SLC35F1: variants seen among roughly 807,000 people sequenced by gnomAD.
SLC35F1 encodes the protein chromosome 6 open reading frame 169.
SLC35F1 carries 14 observed loss-of-function variants against 48.7 expected under a neutral mutation model. The ratio of observed to expected loss-of-function variants is 0.29; its 90% CI spans 0.19 to 0.45. The LOEUF (loss-of-function observed/expected upper bound fraction) is 0.45. SLC35F1 is among the 20% of genes least tolerant of loss of function. SLC35F1 has a pLI of 1.00. For missense variants in SLC35F1, 404 were observed against 500.0 expected (o/e 0.81, Z 1.83); for synonymous variants, 190 against 202.2 (o/e 0.94, Z 0.51).
rs559186688 is a variant in SLC35F1 at position 117,919,296 on chromosome 6, A to G, written c.173+11397A>G. Among the ~76,000 whole-genome samples, 7 of 152,318 alleles carry G rather than the reference A, an allele frequency of 4.6e-5. No individual in the cohort carries two copies. In the East Asian group the frequency reaches 1.3e-3, roughly 29 times the overall value. On this transcript the variant is annotated intron_variant, in intron 1 of 7. Coordinates refer to ENST00000360388, the MANE Select transcript of SLC35F1 (RefSeq NM_001029858.4). ...GTCGTATGTTTTGTTTCAGGAAAACAGCTTAACTTTTGGGGGTTTCAATTC... is the reference window on the plus strand; with the variant it reads ...GTCGTATGTTTTGTTTCAGGAAAACGGCTTAACTTTTGGGGGTTTCAATTC...
At chr6:117,960,578 A>G (rs190937812) in intron 1 of SLC35F1, among the ~76,000 whole-genome samples, 1 of 152,236 alleles carries the variant, frequency 6.6e-6, no homozygotes, top group African/African-American at 2.4e-5. Context: ...GGGTAGATTT[A>G]TCCTGATATT....
chr6:118,097,132 C>T (rs1385987404), intron 1 of SLC35F1, among the ~76,000 whole-genome samples: 1 of 152,158 alleles, frequency 6.6e-6, no homozygotes, highest in Non-Finnish European at 1.5e-5. Context: ...TCAGAATTCA[C>T]ACAACTGCTT....
Position 117,991,678 on chromosome 6 carries a change from G to A in SLC35F1, c.173+83779G>A, listed in dbSNP as rs565569162. Among the ~76,000 whole-genome samples, 5 of 152,112 alleles carry A rather than the reference G, an allele frequency of 3.3e-5. No individual in the cohort carries two copies. The East Asian group carries it at 5.8e-4, about 18-fold the overall frequency. ...CCATTTCTGATTTTTATTTTTGTTC[G>A]TCACTTGGATCTGTTTTGTATGCCT... On this transcript the variant is annotated intron_variant, in intron 1 of 7. Transcript: ENST00000360388.
At chr6:118,093,126 G>A (rs952825735) in intron 1 of SLC35F1, among the ~76,000 whole-genome samples, 1 of 152,110 alleles carries the variant, frequency 6.6e-6, no homozygotes, top group African/African-American at 2.4e-5. Flanking sequence ...AACCAGCCTG[G>A]CCAATGTGGT....
chr6:118,009,564 G>C (rs186009733), intron 1 of SLC35F1, among the ~76,000 whole-genome samples: 14 of 152,300 alleles, frequency 9.2e-5, no homozygotes, highest in Admixed American at 2.6e-4. Context: ...ATTAATGCAA[G>C]TGGACAGTTT....
intron 1 of SLC35F1, among the ~76,000 whole-genome samples, chr6:117,994,862 A>T (rs1050582578): frequency 1.3e-5 from 2 of 152,240 alleles, no homozygotes; most frequent in Non-Finnish European, 2.9e-5. Flanking sequence ...CAAAATTTAC[A>T]TGCCTATTTT....
intron 1 of SLC35F1, among the ~76,000 whole-genome samples, chr6:117,934,365 A>G (rs902820516): frequency 6.6e-6 from 1 of 152,192 alleles, no homozygotes; most frequent in Non-Finnish European, 1.5e-5. Flanking sequence ...AAATGCAGGG[A>G]CTCATATTAA....
chr6:117,932,687 A>T (rs1448729406), intron 1 of SLC35F1, among the ~76,000 whole-genome samples: 4 of 152,176 alleles, frequency 2.6e-5, no homozygotes, highest in Non-Finnish European at 5.9e-5. Flanking sequence ...CTTTTCAAGG[A>T]TGATATGAAG....
At chr6:118,260,388 C>G (rs941078623) in intron 3 of SLC35F1, among the ~76,000 whole-genome samples, 1 of 152,062 alleles carries the variant, frequency 6.6e-6, no homozygotes, top group African/African-American at 2.4e-5. Context: ...TATTATATCT[C>G]AACAATGTTA....
intron 1 of SLC35F1, among the ~76,000 whole-genome samples, chr6:118,106,300 C>G (rs1773326723): frequency 6.6e-6 from 1 of 152,160 alleles, no homozygotes; most frequent in African/African-American, 2.4e-5. Flanking sequence ...CAATGTCTTT[C>G]TTTCAACAAG....
At position 117,907,709 on chromosome 6, in the gene SLC35F1, G is replaced by C. The variant is rs766930401; in HGVS notation, c.-18G>C. ...CCGGCTGCGTTCTGATCGCCGCCGC[G>C]CCTCAGCCTCTGCCGCGATGATCCC... On this transcript the variant is annotated 5_prime_UTR_variant, in exon 1 of 8. Transcript: ENST00000360388. 3.4e-6 allele frequency: 5 copies of C among 1,462,698 alleles called. No individual in the cohort carries two copies. Among genetic ancestry groups the C allele is most frequent in the East Asian group, 5.5e-5 (2 of 36,418 alleles). The allele number at this position is 1,462,698 out of a possible 1,614,324, so 90.6% of individuals were successfully genotyped here. A position where few individuals can be genotyped will look rare whatever the true frequency, so the allele number is the denominator to read the frequency against.
chr6:118,020,881 T>C (rs1392862631), intron 1 of SLC35F1, among the ~76,000 whole-genome samples: 1 of 152,122 alleles, frequency 6.6e-6, no homozygotes, highest in Non-Finnish European at 1.5e-5. Flanking sequence ...CTGAGAAAAT[T>C]GACTGGTGTG....
chr6:117,995,835 T>C (rs1426968294), intron 1 of SLC35F1, among the ~76,000 whole-genome samples: 1 of 152,232 alleles, frequency 6.6e-6, no homozygotes, highest in Admixed American at 6.5e-5. Flanking sequence ...CCATTTTAAT[T>C]GGACATAGAT....
chr6:118,167,860 A>G (rs941442332), intron 2 of SLC35F1, among the ~76,000 whole-genome samples: 1 of 152,202 alleles, frequency 6.6e-6, no homozygotes, highest in Admixed American at 6.5e-5. Context: ...CATTGTATAC[A>G]CAGTCAGTTG....
intron 1 of SLC35F1, among the ~76,000 whole-genome samples, chr6:117,911,790 A>C (rs1184695640): frequency 6.6e-6 from 1 of 152,026 alleles, no homozygotes; most frequent in African/African-American, 2.4e-5. Flanking sequence ...ACCCTGCCAC[A>C]GGCAATCAGA....
intron 1 of SLC35F1, among the ~76,000 whole-genome samples, chr6:118,094,787 G>A (rs1205479236): frequency 6.6e-6 from 1 of 152,042 alleles, no homozygotes; most frequent in African/African-American, 2.4e-5. Flanking sequence ...GGCCAACATG[G>A]TGAAACCCTG....
intron 1 of SLC35F1, among the ~76,000 whole-genome samples, chr6:118,046,467 G>A (rs1403317975): frequency 6.6e-6 from 1 of 152,172 alleles, no homozygotes; most frequent in Non-Finnish European, 1.5e-5. Flanking sequence ...GCAAAGAGAA[G>A]CATGGAAATT....
At chr6:118,151,439 T>C (rs1774055277) in intron 1 of SLC35F1, among the ~76,000 whole-genome samples, 1 of 152,194 alleles carries the variant, frequency 6.6e-6, no homozygotes, top group South Asian at 2.1e-4. Context: ...AAATATGTAT[T>C]GTTTCTCCAC....
chr6:118,208,720 G>A (rs938108183), intron 2 of SLC35F1, among the ~76,000 whole-genome samples: 2 of 152,092 alleles, frequency 1.3e-5, no homozygotes, highest in Non-Finnish European at 2.9e-5. Context: ...ATATTTTCAT[G>A]TCATCTTTGA....
Sources: allele counts gnomAD v4.1 joint callset (sites outside exome capture counted in the v4.1 genomes callset), GRCh38; gene constraint gnomAD v4.1.1; transcripts MANE v1.5; gene names NCBI Gene and HGNC (gene_info 2026-07-23, HGNC 2026-07-21).